TUBB3: variants seen among roughly 807,000 people sequenced by gnomAD.
TUBB3 encodes the protein tubulin beta 3 class III.
A neutral mutation model predicts 37.8 loss-of-function variants in TUBB3; 17 were observed. The ratio of observed to expected loss-of-function variants is 0.45; its 90% CI spans 0.31 to 0.67. The LOEUF (loss-of-function observed/expected upper bound fraction) is 0.67, where lower values mean the gene tolerates loss of function less well. Ranked by LOEUF, TUBB3 falls within the 30% of genes least tolerant of loss-of-function variation. The pLI is 0.07. For missense variants in TUBB3, 262 were observed against 657.9 expected, an observed-to-expected ratio of 0.40 and a Z score of 6.58; for synonymous variants, 332 against 278.9, an observed-to-expected ratio of 1.19 and a Z score of -1.90.
intron 1 of TUBB3, among the ~76,000 whole-genome samples, chr16:89,930,289 G>C (rs978832169): frequency 2.0e-5 from 3 of 151,654 alleles, no homozygotes; most frequent in African/African-American, 4.8e-5. Flanking sequence ...ATTTTTGGGA[G>C]AGATGGAGTT....
In TUBB3 at chr16:89,934,867, TG is replaced by T. The variant is rs752133648; in HGVS notation, c.422del (p.Gly141AlafsTer24). 6.2e-7 allele frequency: 1 copy of T among 1,613,998 alleles called. No individual in the cohort carries two copies. The highest frequency in any genetic ancestry group is 1.3e-5 in the African/African-American group (1 of 74,994). The stretch of plus-strand genomic sequence containing the variant: ...CAGGGCTTCCAGCTGACCCACTCGC[TG>T]GGGGGCGGCACGGGCTCCGGCATGG... ...CLQGFQLTHS[L>X]GGGTGSGMGT... On this transcript the variant is annotated frameshift_variant, in exon 4 of 4. Transcript: ENST00000315491. LOFTEE classifies it high-confidence loss of function.
Position 89,935,373 on chromosome 16 carries a change from G to T in TUBB3, c.922G>T (p.Gly308Cys), listed in dbSNP as rs1567765230. 1 of 1,614,134 alleles carries T rather than the reference G, an allele frequency of 6.2e-7. No homozygotes were observed. Among genetic ancestry groups the T allele is most frequent in the Non-Finnish European group, 8.5e-7 (1 of 1,180,052 alleles). Residue 308 changes from glycine (G) to cysteine (C), a missense_variant, in exon 4 of 4, where the codon GGC becomes TGC. By Grantham distance (159) the Gly-to-Cys change is radical. Coordinates refer to ENST00000315491, the MANE Select transcript of TUBB3 (RefSeq NM_006086.4). The stretch of plus-strand genomic sequence containing the variant: ...GATGGCCGCCTGCGACCCGCGCCAC[G>T]GCCGCTACCTGACGGTGGCCACCGT... ...NMMAACDPRH[G>C]RYLTVATVFR...
chr16:89,928,874 G>T lies in TUBB3; in HGVS notation c.58-3697G>T, dbSNP rs1415113514. Among the ~76,000 whole-genome samples the T allele has an allele frequency of 4.6e-5, 7 of 152,126 alleles. No homozygotes were observed. The East Asian group carries it at 1.4e-3, about 29-fold the overall frequency. On this transcript the variant is annotated intron_variant, in intron 1 of 3. Transcript: ENST00000315491. ...AGATGGGGTTTCACCATGTTGGTCA[G>T]GCTGGTCTCGAACTACTGACCTCGT...
chr16:89,928,144 C>G (rs549447938), intron 1 of TUBB3, among the ~76,000 whole-genome samples: 1 of 151,822 alleles, frequency 6.6e-6, no homozygotes, highest in East Asian at 1.9e-4. Context: ...AACCTCCACC[C>G]CCCTGGCTCA....
rs749208575 is a variant in TUBB3 at position 89,933,455 on chromosome 16, T to A, written c.167-13T>A. The A allele has an allele frequency of 1.2e-6, 2 of 1,607,886 alleles. No individual in the cohort carries two copies. The highest frequency in any genetic ancestry group is 1.7e-6 in the Non-Finnish European group (2 of 1,174,590). On this transcript the variant is annotated splice_polypyrimidine_tract_variant and intron_variant, in intron 2 of 3. Coordinates refer to ENST00000315491, the MANE Select transcript of TUBB3 (RefSeq NM_006086.4). ...TCTGTGACCCGAATCACCGAGCCCC[T>A]CTCTCCCCTCAGCTCACAAGTACGT... is the stretch of plus-strand genomic sequence containing the variant.
intron 1 of TUBB3, chr16:89,931,644 T>C (rs57807714): frequency 0.2 from 32,859 of 165,534 alleles, 6,062 homozygotes; most frequent in African/African-American, 0.5. Flanking sequence ...CCACTTTCAT[T>C]TCAAAAAGAC....
chr16:89,930,831 C>CTT (rs779118425), intron 1 of TUBB3, among the ~76,000 whole-genome samples: 5 of 141,040 alleles, frequency 3.5e-5, no homozygotes, highest in Non-Finnish European at 6.2e-5. Context: ...CGAGAGGCAT[C>CTT]TTTTTTTTTT....
chr16:89,923,428 CG>C lies in TUBB3; in HGVS notation c.29del (p.Gly10AlafsTer126). Reference sequence around the variant, plus strand: ...TGAGGGAGATCGTGCACATCCAGGCCGGCCAGTGCGGCAACCAGATCGGGGC... The same window carrying C: ...TGAGGGAGATCGTGCACATCCAGGCCGCCAGTGCGGCAACCAGATCGGGGC... MREIVHIQA[G>X]QCGNQIGAKF... On this transcript the variant is annotated frameshift_variant, in exon 1 of 4. Transcript: ENST00000315491. LOFTEE classifies it high-confidence loss of function. 1 of 1,512,568 alleles carries C rather than the reference CG, an allele frequency of 6.6e-7. No homozygotes were observed. The allele number at this position is 1,512,568 out of a possible 1,614,324, so 93.7% of individuals were successfully genotyped here.
intron 1 of TUBB3, among the ~76,000 whole-genome samples, chr16:89,930,518 G>C (rs1222568606): frequency 6.6e-6 from 1 of 151,754 alleles, no homozygotes; most frequent in Non-Finnish European, 1.5e-5. Flanking sequence ...CCGTCTCCTG[G>C]GTTCAAGCAA....
intron 3 of TUBB3, 88 bp from the exon 4 acceptor site, chr16:89,934,641 G>T (rs539700143): frequency 3.0e-6 from 4 of 1,336,550 alleles, no homozygotes; most frequent in Non-Finnish European, 4.2e-6. Flanking sequence ...GGCTGCCACG[G>T]CTGCCCTTGG....
At chr16:89,933,270 G>C (rs1479495852) in intron 2 of TUBB3, 198 bp from the exon 3 acceptor site, 1 of 710,750 alleles carries the variant, frequency 1.4e-6, no homozygotes, top group African/African-American at 1.7e-5. Flanking sequence ...GTCCTGTCCT[G>C]CTCCGTCCTT....
chr16:89,922,652 C>T (rs1486860216), upstream of TUBB3: 1 of 152,268 alleles, frequency 6.6e-6, no homozygotes, highest in South Asian at 2.1e-4. Flanking sequence ...GCTGTGCGCG[C>T]CCGGGCCCAC....
At position 89,935,556 on chromosome 16, in the gene TUBB3, G is replaced by A; in HGVS notation, c.1105G>A (p.Gly369Arg). 1 of 1,614,122 alleles carries A rather than the reference G, an allele frequency of 6.2e-7. No homozygotes were observed. The highest frequency in any genetic ancestry group is 8.5e-7 in the Non-Finnish European group (1 of 1,180,048). The change falls in exon 4 of 4, where the codon GGG (glycine) becomes AGG (arginine). Residue 369 changes from glycine (G) to arginine (R), a missense_variant. Gly to Arg is a moderately radical substitution (Grantham distance 125). Around this residue, in one of 3 missense-constraint regions of TUBB3, gnomAD observed 165 missense variants for 556.8 expected, o/e 0.30. Transcript: ENST00000315491. ...RGLKMSSTFI[G>R]NSTAIQELFK... is the part of the protein sequence containing the mutation. ...CCTCAAGATGTCCTCCACCTTCATC[G>A]GGAACAGCACGGCCATCCAGGAGCT...
At chr16:89,933,049 T>C in intron 2 of TUBB3, 1 of 465,574 alleles carries the variant, frequency 2.1e-6, no homozygotes. Context: ...GATTTCCATA[T>C]CAAAGTGGTG....
At chr16:89,923,048 A>G (rs1214142093), upstream of TUBB3, among the ~76,000 whole-genome samples, 1 of 152,152 alleles carries the variant, frequency 6.6e-6, no homozygotes, top group African/African-American at 2.4e-5. Context: ...CCCAGGGCCA[A>G]GAGGGGCCAT....
chr16:89,933,950 TGCC>T, intron 3 of TUBB3: 1 of 412,596 alleles, frequency 2.4e-6, no homozygotes, highest in Non-Finnish European at 4.1e-6. Flanking sequence ...GGGCCGTGGA[TGCC>T]ACGTTCCCAT....
chr16:89,922,613 A>T (rs960083144), upstream of TUBB3: 1 of 151,932 alleles, frequency 6.6e-6, no homozygotes, highest in Non-Finnish European at 1.5e-5. Context: ...CCTGACACGG[A>T]TGCGCACCGG....
chr16:89,924,511 T>C (rs2030002416), intron 1 of TUBB3, among the ~76,000 whole-genome samples: 1 of 151,770 alleles, frequency 6.6e-6, no homozygotes, highest in African/African-American at 2.4e-5. Context: ...GGGACCCAGC[T>C]CAGGGCTGGT....
At chr16:89,923,720 GCCCCCTCCACACCTGCA>G (rs1303991786) in intron 1 of TUBB3, among the ~76,000 whole-genome samples, 5 of 152,032 alleles carry the variant, frequency 3.3e-5, no homozygotes, top group African/African-American at 1.2e-4. Context: ...CCACACCTGC[GCCCCCTCCACACCTGCA>G]CCCCCTCCAC....
Sources: gnomAD v4.1 joint callset for allele counts (sites outside exome capture counted in the v4.1 genomes callset) on GRCh38, gnomAD v4.1.1 for gene constraint, gnomAD v4.1.1 regional missense constraint, MANE v1.5 for transcripts, NCBI Gene and HGNC (gene_info 2026-07-23, HGNC 2026-07-21) for gene names.